NRG1: variants seen among roughly 807,000 people sequenced by gnomAD.
The protein encoded by NRG1 is neuregulin 1.
NRG1 carries 18 observed loss-of-function variants against 63.8 expected under a neutral mutation model. That is an observed-to-expected ratio of 0.28 (90% CI 0.19 to 0.42). The LOEUF is 0.42. Among genes scored for constraint, NRG1 ranks in the 10% least tolerant of loss-of-function variants. NRG1 has a pLI of 1.00. For missense variants in NRG1, 762 were observed against 814.7 expected (o/e 0.94, Z 0.79); for synonymous variants, 302 against 301.3 (o/e 1.00, Z -0.02).
intron 1 of NRG1, among the ~76,000 whole-genome samples, chr8:31,791,225 GA>G (rs961656769): frequency 1.4e-5 from 2 of 147,576 alleles, no homozygotes; most frequent in African/African-American, 5.0e-5. Flanking sequence ...AAAAAAGAAA[GA>G]AAAAAAGAAG....
chr8:32,710,967 T>C (rs1817658327), intron 5 of NRG1, among the ~76,000 whole-genome samples: 1 of 152,136 alleles, frequency 6.6e-6, no homozygotes, highest in Admixed American at 6.6e-5. Flanking sequence ...AACCTAAAGG[T>C]AATATTTTAA....
At chr8:32,575,711 A>G (rs1588428559) in intron 1 of NRG1, among the ~76,000 whole-genome samples, 1 of 152,208 alleles carries the variant, frequency 6.6e-6, no homozygotes, top group Non-Finnish European at 1.5e-5. Context: ...AAATGGTGAC[A>G]CCAATGTAAG....
intron 1 of NRG1, among the ~76,000 whole-genome samples, chr8:32,431,972 G>T (rs182017033): frequency 6.6e-6 from 1 of 152,060 alleles, no homozygotes; most frequent in Non-Finnish European, 1.5e-5. Context: ...CATGGTAGTC[G>T]TTATTATTTA....
chr8:32,213,275 T>C (rs1844871288), intron 1 of NRG1, among the ~76,000 whole-genome samples: 1 of 152,166 alleles, frequency 6.6e-6, no homozygotes, highest in Admixed American at 6.5e-5. Context: ...TGGAATACTA[T>C]GCAGCCATAA....
intron 1 of NRG1, among the ~76,000 whole-genome samples, chr8:32,350,705 A>G (rs1049570859): frequency 6.6e-6 from 1 of 152,082 alleles, no homozygotes; most frequent in Non-Finnish European, 1.5e-5. Context: ...ATTCCATAAT[A>G]TGTATTCTTA....
intron 6 of NRG1, among the ~76,000 whole-genome samples, chr8:32,729,405 T>C (rs142110332): frequency 1.6e-3 from 247 of 152,344 alleles, no homozygotes; most frequent in African/African-American, 5.6e-3. Context: ...AAATGTAATG[T>C]AGAACATCTA....
intron 1 of NRG1, among the ~76,000 whole-genome samples, chr8:31,833,834 A>AC (rs200525619): frequency 0.013 from 1,994 of 152,276 alleles, 49 homozygotes; most frequent in African/African-American, 0.046. Context: ...TAAGTGGGTT[A>AC]ATTCTATTGG....
intron 5 of NRG1, among the ~76,000 whole-genome samples, chr8:32,624,337 G>T (rs1206499175): frequency 3.9e-5 from 6 of 152,176 alleles, no homozygotes; most frequent in African/African-American, 1.4e-4. Flanking sequence ...GTTAGTGAGG[G>T]CAGATGGGCT....
intron 2 of NRG1, among the ~76,000 whole-genome samples, chr8:32,599,732 C>CTGCGTG (rs1483004360): frequency 6.6e-6 from 1 of 152,148 alleles, no homozygotes; most frequent in East Asian, 1.9e-4. Flanking sequence ...TATGTAAGGA[C>CTGCGTG]TGGCAGATTG....
intron 1 of NRG1, among the ~76,000 whole-genome samples, chr8:32,472,473 G>A (rs1468320414): frequency 6.6e-6 from 1 of 152,170 alleles, no homozygotes; most frequent in Non-Finnish European, 1.5e-5. Context: ...CCCGGCCCTT[G>A]GCCTTTATTC....
chr8:31,744,205 T>C (rs1679641844), intron 1 of NRG1, among the ~76,000 whole-genome samples: 1 of 151,980 alleles, frequency 6.6e-6, no homozygotes, highest in Admixed American at 6.6e-5. Context: ...TGCAGCCAGC[T>C]GTTTGTCTAC....
chr8:32,459,158 A>G (rs544385721), intron 1 of NRG1, among the ~76,000 whole-genome samples: 35 of 152,294 alleles, frequency 2.3e-4, no homozygotes, highest in African/African-American at 6.5e-4. Flanking sequence ...ACAAAACTTC[A>G]GGCTTTTCCC....
At chr8:32,729,660 C>T (rs1408486719) in intron 6 of NRG1, among the ~76,000 whole-genome samples, 1 of 152,172 alleles carries the variant, frequency 6.6e-6, no homozygotes, top group Non-Finnish European at 1.5e-5. Flanking sequence ...GTCCCTTTTA[C>T]ATCACAGAAA....
intron 5 of NRG1, among the ~76,000 whole-genome samples, chr8:32,649,159 C>CTTTTTT (rs35558760): frequency 2.4e-5 from 3 of 123,364 alleles, no homozygotes; most frequent in African/African-American, 6.1e-5. Flanking sequence ...TGAGGTACAT[C>CTTTTTT]TTTTTTTTTT....
intron 5 of NRG1, among the ~76,000 whole-genome samples, chr8:32,629,494 A>G (rs1277879616): frequency 6.6e-6 from 1 of 152,194 alleles, no homozygotes; most frequent in South Asian, 2.1e-4. Flanking sequence ...TTGGATTATC[A>G]TTTTTTAAGT....
At chr8:32,254,753 T>C (rs11995815) in intron 1 of NRG1, among the ~76,000 whole-genome samples, 68,637 of 152,012 alleles carry the variant, frequency 0.45, 15,928 homozygotes, top group Admixed American at 0.5. Context: ...TGTTGATCTG[T>C]CTAATGTTGA....
At chr8:32,247,359 A>G (rs1412592479) in intron 1 of NRG1, among the ~76,000 whole-genome samples, 1 of 152,122 alleles carries the variant, frequency 6.6e-6, no homozygotes, top group Non-Finnish European at 1.5e-5. Flanking sequence ...CATTCTGCCC[A>G]TACAGATTTG....
At chr8:32,623,265 T>C (rs1848651099) in intron 5 of NRG1, among the ~76,000 whole-genome samples, 1 of 152,194 alleles carries the variant, frequency 6.6e-6, no homozygotes, top group African/African-American at 2.4e-5. Flanking sequence ...GACCCATGGC[T>C]CTTACATTCT....
chr8:31,967,640 G>A (rs952818408), intron 1 of NRG1, among the ~76,000 whole-genome samples: 8 of 152,194 alleles, frequency 5.3e-5, no homozygotes, highest in African/African-American at 1.9e-4. Context: ...GCAGGGTGAG[G>A]AAGGAACAGG....
Sources: gnomAD v4.1 joint callset for allele counts (sites outside exome capture counted in the v4.1 genomes callset) on GRCh38, gnomAD v4.1.1 for gene constraint, MANE v1.5 for transcripts, NCBI Gene and HGNC (gene_info 2026-07-23, HGNC 2026-07-21) for gene names.